The following SENP7 variants were observed in gnomAD, a reference collection of about 807,000 sequenced individuals.
The protein encoded by SENP7 is SUMO specific peptidase 7.
In SENP7, 64 loss-of-function variants were observed where a neutral mutation model predicts 141.2. The ratio of observed to expected loss-of-function variants is 0.45; its 90% confidence interval spans 0.37 to 0.56. The LOEUF (loss-of-function observed/expected upper bound fraction) is 0.56, where lower values mean the gene tolerates loss of function less well. Ranked by LOEUF, SENP7 falls within the 20% of genes least tolerant of loss-of-function variation. The pLI, the probability that SENP7 is intolerant of heterozygous loss-of-function variation, is 0.00. For synonymous variants in SENP7, 382 were observed against 426.4 expected (o/e 0.90, Z 1.28); for missense variants, 1,025 against 1,212.2 (o/e 0.85, Z 2.29).
intron 4 of SENP7, among the ~76,000 whole-genome samples, chr3:101,447,774 C>T (rs1239496231): frequency 6.8e-6 from 1 of 145,986 alleles, no homozygotes; most frequent in Non-Finnish European, 1.5e-5. Flanking sequence ...CAGAACAGCT[C>T]CAAAAAATCT....
intron 4 of SENP7, among the ~76,000 whole-genome samples, chr3:101,439,057 G>C (rs1051504852): frequency 7.7e-6 from 1 of 129,326 alleles, no homozygotes; most frequent in African/African-American, 2.8e-5. Context: ...GAGCGTCTCC[G>C]CCCGGCCGCC....
chr3:101,347,213 T>C (rs1452302759), intron 13 of SENP7: 2 of 151,796 alleles, frequency 1.3e-5, no homozygotes, highest in African/African-American at 2.4e-5. Context: ...CAGAGTAAGA[T>C]TCTGTCTCAA....
intron 4 of SENP7, among the ~76,000 whole-genome samples, chr3:101,444,898 T>TAATA (rs1181296147): frequency 4.0e-5 from 6 of 151,112 alleles, no homozygotes; most frequent in South Asian, 2.1e-4. Flanking sequence ...ATAATAATAA[T>TAATA]AATAAATGAA....
chr3:101,463,380 T>TATATATATATATACAC (rs1553744719), intron 3 of SENP7, among the ~76,000 whole-genome samples: 15 of 72,128 alleles, frequency 2.1e-4, no homozygotes, highest in African/African-American at 5.6e-4. Context: ...TATATATATA[T>TATATATATATATACAC]ATATATATAT....
intron 3 of SENP7, among the ~76,000 whole-genome samples, chr3:101,463,379 A>ATATATATG (rs2063633691): frequency 1.3e-5 from 1 of 79,386 alleles, no homozygotes; most frequent in African/African-American, 5.8e-5. Context: ...ATATATATAT[A>ATATATATG]TATATATATA....
At chr3:101,426,883 C>T (rs999802932) in intron 4 of SENP7, among the ~76,000 whole-genome samples, 10 of 152,082 alleles carry the variant, frequency 6.6e-5, no homozygotes, top group Admixed American at 5.2e-4. Flanking sequence ...GGAAAGGAAA[C>T]AATGTTACCA....
Position 101,367,864 on chromosome 3 carries a change from T to C in SENP7, c.944A>G (p.Tyr315Cys). Residue 315 changes from tyrosine to cysteine, a missense_variant, in exon 8 of 24, where the codon TAT becomes TGT. This residue lies in a region of SENP7 where 496 missense variants were observed against 503.5 expected (regional missense o/e 0.99). Transcript: ENST00000394095. ...TGTTGACTTATCCAAAGAAGTACAA[T>C]ATTGAGAATCAGGTAAATTATTTCT... The part of the protein sequence containing the change: ...RLRNNLPDSQ[Y>C]CTSLDKSTEQ... 1 of 1,607,474 alleles carries C rather than the reference T, an allele frequency of 6.2e-7. No individual in the cohort carries two copies.
chr3:101,367,131 C>A (rs1483351557), intron 8 of SENP7, among the ~76,000 whole-genome samples: 7 of 152,080 alleles, frequency 4.6e-5, no homozygotes, highest in African/African-American at 1.7e-4. Flanking sequence ...GGTAAAACTA[C>A]TTTGGTAAAA....
chr3:101,374,836 C>T (rs1248517508), intron 6 of SENP7, among the ~76,000 whole-genome samples: 3 of 149,750 alleles, frequency 2.0e-5, no homozygotes, highest in Admixed American at 6.7e-5. Flanking sequence ...AGACAACCCA[C>T]AGAATGGGAG....
chr3:101,491,224 AG>A (rs2064956717), intron 3 of SENP7, among the ~76,000 whole-genome samples: 1 of 151,464 alleles, frequency 6.6e-6, no homozygotes, highest in African/African-American at 2.4e-5. Flanking sequence ...CTGGGCTCAA[AG>A]GATCCTCCCA....
At chr3:101,426,829 A>G (rs2061976680) in intron 4 of SENP7, among the ~76,000 whole-genome samples, 1 of 152,164 alleles carries the variant, frequency 6.6e-6, no homozygotes, top group South Asian at 2.1e-4. Context: ...ATTGATTACC[A>G]CACGACCTGC....
chr3:101,455,228 T>G (rs558321291), intron 4 of SENP7, among the ~76,000 whole-genome samples: 4 of 152,158 alleles, frequency 2.6e-5, no homozygotes, highest in Non-Finnish European at 5.9e-5. Flanking sequence ...AACAAAAATT[T>G]AAGTCTGTTA....
intron 1 of SENP7, among the ~76,000 whole-genome samples, chr3:101,502,207 G>A (rs939521566): frequency 6.6e-6 from 1 of 152,232 alleles, no homozygotes; most frequent in Admixed American, 6.5e-5. Context: ...GCATCTGTGA[G>A]ATATGCCACC....
intron 19 of SENP7, among the ~76,000 whole-genome samples, 180 bp downstream of exon 19, chr3:101,331,800 TATAAC>T: frequency 6.6e-6 from 1 of 152,280 alleles, no homozygotes; most frequent in African/African-American, 2.4e-5. Context: ...TAAAACTTGA[TATAAC>T]AGTACAACTT....
intron 1 of SENP7, among the ~76,000 whole-genome samples, chr3:101,508,147 C>CT (rs1181750284): frequency 6.6e-6 from 1 of 151,724 alleles, no homozygotes; most frequent in Non-Finnish European, 1.5e-5. Flanking sequence ...CTAGAATACT[C>CT]TGATTCTTGG....
In SENP7 at chr3:101,492,934, T is replaced by C. The variant is rs150093974; in HGVS notation, c.186+939A>G. Among the ~76,000 whole-genome samples, 527 of 152,276 alleles carry C rather than the reference T, an allele frequency of 3.5e-3. 3 individuals are homozygous for C. Among genetic ancestry groups the C allele is most frequent in the Middle Eastern group, 0.017 (5 of 294 alleles). On this transcript the variant is annotated intron_variant, in intron 3 of 23. Coordinates refer to ENST00000394095, the MANE Select transcript of SENP7 (RefSeq NM_020654.5). The stretch of plus-strand genomic sequence containing the variant: ...CGAGCCCAGGAGTTCAAGGATTCAA[T>C]GAGCTATGAGTGTGCCACTGCACTC...
At chr3:101,493,519 T>C (rs1380465253) in intron 3 of SENP7, among the ~76,000 whole-genome samples, 1 of 152,206 alleles carries the variant, frequency 6.6e-6, no homozygotes, top group African/African-American at 2.4e-5. Flanking sequence ...TATAGTTATA[T>C]TACTCCTTAA....
intron 4 of SENP7, chr3:101,457,222 C>T: frequency 6.4e-7 from 1 of 1,564,724 alleles, no homozygotes; most frequent in South Asian, 1.1e-5. Context: ...CAAGTTTTAT[C>T]TTCAGAAGTT....
chr3:101,366,867 T>G, intron 8 of SENP7, 98 bp from the exon 9 acceptor site: 1 of 705,044 alleles, frequency 1.4e-6, no homozygotes, highest in African/African-American at 1.8e-5. Context: ...TTATATCACT[T>G]CTATAACTAC....
Sources: allele counts gnomAD v4.1 joint callset (sites outside exome capture counted in the v4.1 genomes callset), GRCh38; gene constraint gnomAD v4.1.1; regional missense constraint gnomAD v4.1.1; transcripts MANE v1.5; gene names NCBI Gene and HGNC (gene_info 2026-07-23, HGNC 2026-07-21).